ERCC5: variants seen among roughly 807,000 people sequenced by gnomAD.
ERCC5 encodes the protein DNA excision repair protein ERCC-5.
ERCC5 carries 68 observed loss-of-function variants against 105.6 expected under a neutral mutation model. That is an observed-to-expected ratio of 0.64 (90% CI 0.53 to 0.79). ERCC5 has a LOEUF of 0.79. Ranked by LOEUF, ERCC5 falls within the 30% of genes least tolerant of loss-of-function variation. The pLI is 0.00. For synonymous variants in ERCC5, 546 were observed against 526.2 expected, an observed-to-expected ratio of 1.04 and a Z score of -0.51; for missense variants, 1,373 against 1,426.7, an observed-to-expected ratio of 0.96 and a Z score of 0.61.
intron 8 of ERCC5, among the ~76,000 whole-genome samples, chr13:102,864,008 A>G (rs1015614193): frequency 6.6e-6 from 1 of 152,050 alleles, no homozygotes; most frequent in Non-Finnish European, 1.5e-5. Context: ...TATATATGTT[A>G]TATATGCATA....
chr13:102,872,435 G>A (rs767408506), intron 13 of ERCC5, 37 bp downstream of exon 13: 5 of 1,608,334 alleles, frequency 3.1e-6, no homozygotes, highest in Non-Finnish European at 3.4e-6. Flanking sequence ...GAAACACCTT[G>A]TCAAATATGT....
chr13:102,851,837 T>G lies in ERCC5; in HGVS notation c.89-281T>G, dbSNP rs1415592407. ...TGAAAATTCTTTAGCAATCACTTATTTTTTTTTAAAGAAGCAATTCTTTGC... is the reference window on the plus strand; with the variant it reads ...TGAAAATTCTTTAGCAATCACTTATGTTTTTTTAAAGAAGCAATTCTTTGC... On this transcript the variant is annotated intron_variant, in intron 1 of 14. Coordinates refer to ENST00000652225, the MANE Select transcript of ERCC5 (RefSeq NM_000123.4). Among the ~76,000 whole-genome samples, 3 of 151,620 alleles carry G rather than the reference T, an allele frequency of 2.0e-5. No homozygotes were observed. The East Asian group carries it at 5.8e-4, about 29-fold the overall frequency.
chr13:102,870,023 T>A (rs1292011036), intron 12 of ERCC5, among the ~76,000 whole-genome samples: 2 of 152,206 alleles, frequency 1.3e-5, no homozygotes, highest in African/African-American at 4.8e-5. Flanking sequence ...GCTCAGGACA[T>A]TTAGGATGAA....
Position 102,862,432 on chromosome 13 carries a change from G to C in ERCC5, c.1283G>C (p.Ser428Thr), listed in dbSNP as rs1339043663. ...CGTATAAACAGCTCCACCGAGAACA[G>C]TGATGAAGGACTTAAAGTGAGAGAT... The part of the protein sequence containing the change: ...EMRINSSTEN[S>T]DEGLKVRDGK... The change falls in exon 8 of 15, where the codon AGT (serine) becomes ACT (threonine). Residue 428 changes from serine (S) to threonine (T), a missense_variant. Transcript: ENST00000652225. 1 of 1,614,030 alleles carries C rather than the reference G, an allele frequency of 6.2e-7. No individual in the cohort carries two copies. Among genetic ancestry groups the C allele is most frequent in the East Asian group, 2.2e-5 (1 of 44,898 alleles).
intron 1 of ERCC5, among the ~76,000 whole-genome samples, chr13:102,848,575 G>GTGTTTTGT (rs1566462885): frequency 1.3e-5 from 2 of 152,124 alleles, no homozygotes. Context: ...CCTAACTAAA[G>GTGTTTTGT]AACTAAAGAA....
In ERCC5 at chr13:102,852,302, C is replaced by T. The variant is rs749478541; in HGVS notation, c.264+9C>T. On this transcript the variant is annotated intron_variant, in intron 2 of 14. Transcript: ENST00000652225. Reference sequence around the variant, plus strand: ...TGAAGAAACAGACTTTGGTAAGTGTCGTATAGTTTTTAGTAAGTGTCAAAT... The same window carrying T: ...TGAAGAAACAGACTTTGGTAAGTGTTGTATAGTTTTTAGTAAGTGTCAAAT... The T allele has an allele frequency of 1.4e-5, 23 of 1,613,114 alleles. No individual in the cohort carries two copies. Among genetic ancestry groups the T allele is most frequent in the Non-Finnish European group, 1.7e-6 (2 of 1,179,894 alleles).
intron 12 of ERCC5, among the ~76,000 whole-genome samples, chr13:102,871,232 GA>G (rs1424104093): frequency 6.6e-6 from 1 of 152,190 alleles, no homozygotes; most frequent in Non-Finnish European, 1.5e-5. Flanking sequence ...CAGGGGACAG[GA>G]AGTGGCGAGG....
rs779926862 is a variant in ERCC5, at chr13:102,862,211, A to C, written c.1062A>C (p.Gly354=). Residue 354 remains glycine, a synonymous_variant, in exon 8 of 15, where the codon GGA becomes GGC. Coordinates refer to ENST00000652225, the MANE Select transcript of ERCC5 (RefSeq NM_000123.4). ...TAGCTATGCAAGCTGCCCTGCTGGG[A>C]AGTAGCTCAGAAGAGGAGCTGGAGA... The part of the protein sequence containing the change: ...TLLAMQAALL[G]SSSEEELESE... 1.9e-6 allele frequency: 3 copies of C among 1,614,030 alleles called. No homozygotes were observed. The highest frequency in any genetic ancestry group is 1.7e-6 in the Non-Finnish European group (2 of 1,180,032).
chr13:102,858,238 A>G, intron 5 of ERCC5, 37 bp from the exon 6 acceptor site: 1 of 1,613,856 alleles, frequency 6.2e-7, no homozygotes, highest in Non-Finnish European at 8.5e-7. Context: ...AGTGTATGAA[A>G]TGTAAATTTC....
intron 1 of ERCC5, among the ~76,000 whole-genome samples, chr13:102,851,674 T>C (rs2140516776): frequency 6.6e-6 from 1 of 152,370 alleles, no homozygotes; most frequent in East Asian, 1.9e-4. Context: ...AAGCATTCTG[T>C]AAATAACTCT....
At position 102,865,889 on chromosome 13, in the gene ERCC5, A is replaced by G. The variant is rs750050062; in HGVS notation, c.2177A>G (p.His726Arg). ...EAEKDAEDSL[H>R]EWQDINLEEL... is the part of the protein sequence containing the mutation. ...GAGAAAGATGCGGAAGATTCGCTCC[A>G]TGAATGGCAAGATATTAATTTGGTA... Residue 726 changes from histidine to arginine, a missense_variant, in exon 9 of 15, where the codon CAT (histidine) becomes CGT (arginine). Physicochemically the swap from His to Arg is conservative, Grantham distance 29. Coordinates refer to ENST00000652225, the MANE Select transcript of ERCC5 (RefSeq NM_000123.4). The surrounding 1 kb of genome is among the most constrained non-coding windows in gnomAD (Gnocchi z 4.0). 4 of 1,614,244 alleles carry G rather than the reference A, an allele frequency of 2.5e-6. No homozygotes were observed. Among genetic ancestry groups the G allele is most frequent in the Non-Finnish European group, 3.4e-6 (4 of 1,180,046 alleles).
At chr13:102,855,923 G>A in intron 4 of ERCC5, 129 bp from the exon 5 acceptor site, 2 of 875,496 alleles carry the variant, frequency 2.3e-6, no homozygotes, top group Admixed American at 1.9e-5. Context: ...CATGAGACCA[G>A]TAGTGGCACA....
intron 6 of ERCC5, chr13:102,858,825 A>G: frequency 2.2e-6 from 1 of 446,558 alleles, no homozygotes; most frequent in Non-Finnish European, 4.5e-6. Context: ...AGTTATTGTA[A>G]CCTATAATAT....
chr13:102,866,407 T>G lies in ERCC5; in HGVS notation c.2319+26T>G, dbSNP rs781756121. The G allele has an allele frequency of 6.8e-6, 11 of 1,614,022 alleles. No homozygotes were observed. In the East Asian group the frequency reaches 2.0e-4, roughly 29 times the overall value. On this transcript the variant is annotated intron_variant, in intron 10 of 14. Transcript: ENST00000652225. ...GTGGGTGCAGGCAGCTTGGGTTTCCTTTACCACCTTCTTCAGACCCCTGGG... is the reference window on the plus strand; with the variant it reads ...GTGGGTGCAGGCAGCTTGGGTTTCCGTTACCACCTTCTTCAGACCCCTGGG...
chr13:102,871,074 G>A (rs1317127298), intron 12 of ERCC5, among the ~76,000 whole-genome samples: 4 of 152,202 alleles, frequency 2.6e-5, no homozygotes, highest in African/African-American at 9.6e-5. Flanking sequence ...TCTTGTCTCT[G>A]TTCCATGTCG....
chr13:102,872,431 C>G (rs1246983432), intron 13 of ERCC5, 33 bp downstream of exon 13: 1 of 1,611,362 alleles, frequency 6.2e-7, no homozygotes, highest in Non-Finnish European at 8.5e-7. Context: ...GAAGGAAACA[C>G]CTTGTCAAAT....
chr13:102,849,453 T>C (rs1432657264), intron 1 of ERCC5: 1 of 518,852 alleles, frequency 1.9e-6, no homozygotes, highest in South Asian at 1.4e-5. Flanking sequence ...TGTATATCCC[T>C]AGGGTCTTGG....
At chr13:102,849,187 T>G (rs1288686928) in intron 1 of ERCC5, 1 of 518,930 alleles carries the variant, frequency 1.9e-6, no homozygotes, top group African/African-American at 1.9e-5. Flanking sequence ...AAGTTCTACC[T>G]CTGAGATGTA....
intron 6 of ERCC5, among the ~76,000 whole-genome samples, chr13:102,860,820 T>A (rs1206885003): frequency 2.0e-5 from 3 of 152,118 alleles, no homozygotes; most frequent in East Asian, 3.9e-4. Flanking sequence ...TTACTGTGAT[T>A]TATTGTGTCT....
Sources: allele counts gnomAD v4.1 joint callset (sites outside exome capture counted in the v4.1 genomes callset), GRCh38; gene constraint gnomAD v4.1.1; non-coding constraint Gnocchi (gnomAD v3.1); transcripts MANE v1.5; gene names NCBI Gene and HGNC (gene_info 2026-07-23, HGNC 2026-07-21).